SLC2A13: variants seen among roughly 807,000 people sequenced by gnomAD.
The protein encoded by SLC2A13 is solute carrier family 2 member 13.
A neutral mutation model predicts 64.4 loss-of-function variants in SLC2A13; 32 were observed. The ratio of observed to expected loss-of-function variants is 0.50; its 90% CI spans 0.37 to 0.67. SLC2A13 has a LOEUF of 0.67. SLC2A13 is among the 30% of genes least tolerant of loss of function. The probability of loss-of-function intolerance (pLI) is 0.00; values close to 1 mark genes in which losing one functional copy is unlikely to be tolerated. For missense variants in SLC2A13, 743 were observed against 829.2 expected (o/e 0.90, Z 1.28); for synonymous variants, 338 against 327.1 (o/e 1.03, Z -0.36).
chr12:39,765,900 C>A (rs1295372748), intron 7 of SLC2A13, among the ~76,000 whole-genome samples: 2 of 152,016 alleles, frequency 1.3e-5, no homozygotes, highest in Non-Finnish European at 2.9e-5. Flanking sequence ...CCCACAGGCC[C>A]TAGTGTGCAT....
intron 3 of SLC2A13, among the ~76,000 whole-genome samples, chr12:39,960,707 G>A (rs560383630): frequency 1.1e-3 from 154 of 140,414 alleles, no homozygotes; most frequent in South Asian, 7.6e-3. Flanking sequence ...TCAGTACAAC[G>A]TTTATTAAAT....
chr12:39,768,700 G>A (rs1389949477), intron 7 of SLC2A13, among the ~76,000 whole-genome samples: 4 of 151,878 alleles, frequency 2.6e-5, no homozygotes, highest in Non-Finnish European at 2.9e-5. Flanking sequence ...TGTGATGCCC[G>A]ACAACAATTA....
Position 40,105,480 on chromosome 12 carries a change from T to G in SLC2A13, c.329A>C (p.Lys110Thr), listed in dbSNP as rs776070011. 1 of 1,571,374 alleles carries G rather than the reference T, an allele frequency of 6.4e-7. No homozygotes were observed. The highest frequency in any genetic ancestry group is 8.6e-7 in the Non-Finnish European group (1 of 1,159,128). Reference sequence around the variant, plus strand: ...CAGCGCGTCCAGACTGAGCTGCCGCTTGAGCAGCAGCATGGCCCCTGACAC... The same window carrying G: ...CAGCGCGTCCAGACTGAGCTGCCGCGTGAGCAGCAGCATGGCCCCTGACAC... ...GVVSGAMLLLKRQLSLDALWQ... is the reference protein window; with the variant it reads ...GVVSGAMLLLTRQLSLDALWQ... Residue 110 changes from lysine to threonine, a missense_variant, in exon 1 of 10, where the codon AAG (lysine) becomes ACG (threonine). Physicochemically the swap from Lys to Thr is moderately conservative, Grantham distance 78 (BLOSUM62 -1). Around this residue, in one of 2 missense-constraint regions of SLC2A13, gnomAD observed 448 missense variants for 447.4 expected, o/e 1.00. Coordinates refer to ENST00000280871, the MANE Select transcript of SLC2A13 (RefSeq NM_052885.4). This position sits in a 1 kb window ranked among gnomAD's most constrained non-coding sequence, Gnocchi z 4.2.
intron 1 of SLC2A13, among the ~76,000 whole-genome samples, chr12:40,049,519 C>T (rs1467469032): frequency 6.6e-6 from 1 of 152,062 alleles, no homozygotes; most frequent in East Asian, 1.9e-4. Flanking sequence ...TGGTTTTCTA[C>T]AGGTGATTTT....
intron 1 of SLC2A13, among the ~76,000 whole-genome samples, chr12:40,104,957 T>C (rs942295889): frequency 1.3e-5 from 2 of 152,156 alleles, no homozygotes; most frequent in African/African-American, 2.4e-5. Context: ...GCTAGGTTTC[T>C]GGAAGTGCTG....
chr12:40,025,103 C>G (rs1166375542), intron 3 of SLC2A13, among the ~76,000 whole-genome samples: 3 of 152,126 alleles, frequency 2.0e-5, no homozygotes, highest in Non-Finnish European at 4.4e-5. Context: ...GTTTTGCCAA[C>G]TATAGTGGAA....
At chr12:39,993,339 T>G (rs1947171554) in intron 3 of SLC2A13, among the ~76,000 whole-genome samples, 1 of 152,218 alleles carries the variant, frequency 6.6e-6, no homozygotes, top group Admixed American at 6.5e-5. Context: ...TTTTAGAAGC[T>G]AATAAACATA....
chr12:40,019,282 T>C (rs1450362534), intron 3 of SLC2A13, among the ~76,000 whole-genome samples: 2 of 152,340 alleles, frequency 1.3e-5, no homozygotes, highest in Non-Finnish European at 2.9e-5. Context: ...TTTGAATGCT[T>C]TCCTTTCAGA....
intron 6 of SLC2A13, among the ~76,000 whole-genome samples, chr12:39,839,033 CCTT>C (rs1454815075): frequency 6.6e-6 from 1 of 152,068 alleles, no homozygotes; most frequent in East Asian, 1.9e-4. Flanking sequence ...CTCACTCACT[CCTT>C]CTTTATGCAT....
chr12:39,772,230 T>C (rs539704550), intron 7 of SLC2A13, among the ~76,000 whole-genome samples: 3 of 152,284 alleles, frequency 2.0e-5, no homozygotes, highest in Admixed American at 2.0e-4. Context: ...AGTTTGTATC[T>C]CAGTTCTCTC....
At chr12:39,896,437 CATATATGTATATGTGTGTATATATGTAT>C (rs1944893432) in intron 4 of SLC2A13, among the ~76,000 whole-genome samples, 1 of 122,928 alleles carries the variant, frequency 8.1e-6, no homozygotes, top group Non-Finnish European at 1.7e-5. Flanking sequence ...TATATGTATA[CATATATGTATATGTGTGTATATATGTAT>C]ACATATATGT....
chr12:39,865,294 AATTCTTCTAATGACATTCAATC>A (rs1943879620), intron 5 of SLC2A13, among the ~76,000 whole-genome samples: 1 of 152,210 alleles, frequency 6.6e-6, no homozygotes. Flanking sequence ...GTGCCAAGAA[AATTCTTCTAATGACATTCAATC>A]ATGTAAGACT....
intron 2 of SLC2A13, among the ~76,000 whole-genome samples, chr12:40,047,380 T>C (rs1048249702): frequency 1.4e-4 from 22 of 152,228 alleles, no homozygotes; most frequent in African/African-American, 5.1e-4. Context: ...CAATATTGTA[T>C]AACCTCTAAT....
At chr12:39,787,826 G>T (rs1340226976) in intron 7 of SLC2A13, among the ~76,000 whole-genome samples, 1 of 152,138 alleles carries the variant, frequency 6.6e-6, no homozygotes, top group African/African-American at 2.4e-5. Context: ...AAATCAGAAA[G>T]GCCAAATGCA....
chr12:40,007,855 C>T (rs2136190563), intron 3 of SLC2A13, among the ~76,000 whole-genome samples: 1 of 152,230 alleles, frequency 6.6e-6, no homozygotes, highest in East Asian at 1.9e-4. Context: ...GGAAGAAACA[C>T]TATTCAAAGA....
intron 4 of SLC2A13, among the ~76,000 whole-genome samples, chr12:39,926,489 A>G (rs1034273868): frequency 6.6e-6 from 1 of 152,242 alleles, no homozygotes; most frequent in Admixed American, 6.5e-5. Context: ...GATATGTGAC[A>G]GCGTATTGTA....
chr12:40,021,825 C>T (rs1017174034), intron 3 of SLC2A13, among the ~76,000 whole-genome samples: 7 of 152,078 alleles, frequency 4.6e-5, no homozygotes, highest in African/African-American at 9.7e-5. Context: ...TCAATTGCAA[C>T]GAGTATTTGA....
chr12:40,013,745 T>A (rs1393475625), intron 3 of SLC2A13, among the ~76,000 whole-genome samples: 8 of 152,246 alleles, frequency 5.3e-5, no homozygotes, highest in Non-Finnish European at 8.8e-5. Context: ...CCACTTTTAA[T>A]GAGCTCTTAC....
chr12:40,030,429 T>A (rs903181211), intron 2 of SLC2A13, among the ~76,000 whole-genome samples: 11 of 152,172 alleles, frequency 7.2e-5, no homozygotes, highest in Non-Finnish European at 1.0e-4. Context: ...ACTATATTGC[T>A]CATTATTTAA....
Sources: gnomAD v4.1 joint callset for allele counts (sites outside exome capture counted in the v4.1 genomes callset) on GRCh38, gnomAD v4.1.1 for gene constraint, gnomAD v4.1.1 regional missense constraint, Gnocchi (gnomAD v3.1) non-coding constraint, MANE v1.5 for transcripts, NCBI Gene and HGNC (gene_info 2026-07-23, HGNC 2026-07-21) for gene names.